Variants in FSIP1 observed in about 807,000 individuals in gnomAD.
The protein encoded by FSIP1 is fibrous sheath interacting protein 1.
FSIP1 carries 65 observed loss-of-function variants against 60.9 expected under a neutral mutation model. The ratio of observed to expected loss-of-function variants is 1.07; its 90% CI spans 0.87 to 1.31. The LOEUF (loss-of-function observed/expected upper bound fraction) is 1.31. FSIP1 is among the 40% of genes most tolerant of loss of function. The pLI is 0.00. For synonymous variants in FSIP1, 209 were observed against 221.2 expected, an observed-to-expected ratio of 0.94 and a Z score of 0.49; for missense variants, 675 against 665.5, an observed-to-expected ratio of 1.01 and a Z score of -0.16.
At chr15:39,672,931 TA>T (rs111954955) in intron 10 of FSIP1, among the ~76,000 whole-genome samples, 7,395 of 152,262 alleles carry the variant, frequency 0.049, 608 homozygotes, top group African/African-American at 0.17. Flanking sequence ...CTATGTGGCC[TA>T]AAAAACCAGA....
chr15:39,723,545 T>TC (rs1896068961), intron 9 of FSIP1, among the ~76,000 whole-genome samples: 1 of 152,184 alleles, frequency 6.6e-6, no homozygotes, highest in African/African-American at 2.4e-5. Context: ...GAGACTTTTT[T>TC]ATTCCAAAGT....
At chr15:39,732,168 C>T (rs1421778601) in intron 8 of FSIP1, among the ~76,000 whole-genome samples, 1 of 152,204 alleles carries the variant, frequency 6.6e-6, no homozygotes, top group Admixed American at 6.5e-5. Flanking sequence ...GAATCTAATG[C>T]TGCAGCTAAT....
chr15:39,617,592 G>A, intron 11 of FSIP1, 143 bp downstream of exon 11: 1 of 663,342 alleles, frequency 1.5e-6, no homozygotes, highest in Non-Finnish European at 2.6e-6. Context: ...TGGGAAATAG[G>A]TTTTATGTTT....
rs118150001 is a variant in FSIP1 at position 39,761,393 on chromosome 15, A to T, written c.559+2428T>A. Among the ~76,000 whole-genome samples, 192 of 152,360 alleles carry T rather than the reference A, an allele frequency of 1.3e-3. 1 individual carries two copies. Among genetic ancestry groups the T allele is most frequent in the Middle Eastern group, 3.4e-3 (1 of 294 alleles). ...CACCATGGAGTACTTTTCAGTCTTT[A>T]AAAAGAAGGAAATTCTATCATTTGC... On this transcript the variant is annotated intron_variant, in intron 5 of 11. Transcript: ENST00000350221.
At chr15:39,711,967 G>A (rs975164014) in intron 10 of FSIP1, among the ~76,000 whole-genome samples, 13 of 151,910 alleles carry the variant, frequency 8.6e-5, no homozygotes, top group African/African-American at 7.3e-5. Context: ...GATTACAGGC[G>A]TGAGCCACCG....
intron 11 of FSIP1, among the ~76,000 whole-genome samples, chr15:39,605,386 T>A (rs184503077): frequency 6.6e-6 from 1 of 152,336 alleles, no homozygotes; most frequent in East Asian, 1.9e-4. Flanking sequence ...TTAGGAATAA[T>A]GCTCTGCAGT....
chr15:39,723,459 G>A (rs1896065816), intron 9 of FSIP1, among the ~76,000 whole-genome samples: 1 of 152,208 alleles, frequency 6.6e-6, no homozygotes, highest in Non-Finnish European at 1.5e-5. Context: ...TGGATCTCCT[G>A]ACCTTGTGAT....
intron 10 of FSIP1, among the ~76,000 whole-genome samples, chr15:39,652,380 C>T (rs1892906051): frequency 6.6e-6 from 1 of 152,140 alleles, no homozygotes; most frequent in Non-Finnish European, 1.5e-5. Flanking sequence ...TAAACATTTG[C>T]TACATTCAGA....
At chr15:39,779,776 G>A (rs1395364597) in intron 1 of FSIP1, among the ~76,000 whole-genome samples, 1 of 152,166 alleles carries the variant, frequency 6.6e-6, no homozygotes, top group East Asian at 1.9e-4. Flanking sequence ...AGGCTTCTGA[G>A]AAATGCAATC....
In FSIP1 at chr15:39,627,615, T is replaced by C. The variant is rs183180184; in HGVS notation, c.1189-9370A>G. Among the ~76,000 whole-genome samples, 4 of 151,764 alleles carry C rather than the reference T, an allele frequency of 2.6e-5. No individual in the cohort carries two copies. The East Asian group carries it at 7.7e-4, about 29-fold the overall frequency. On this transcript the variant is annotated intron_variant, in intron 10 of 11. Coordinates refer to ENST00000350221, the MANE Select transcript of FSIP1 (RefSeq NM_152597.5). ...GTCACCCACATGGTATCTCTCTGCA[T>C]ATGTCCCACAAGTCACCCACATGGC...
intron 10 of FSIP1, among the ~76,000 whole-genome samples, chr15:39,712,711 A>ACCACT (rs1895572098): frequency 6.6e-6 from 1 of 152,236 alleles, no homozygotes. Flanking sequence ...TGGGAAAATC[A>ACCACT]TAGTATGACA....
At chr15:39,742,919 G>A (rs1435284744) in intron 5 of FSIP1, among the ~76,000 whole-genome samples, 2 of 152,112 alleles carry the variant, frequency 1.3e-5, no homozygotes, top group African/African-American at 4.8e-5. Context: ...TGGGGAGAGA[G>A]GGGTAAACTA....
chr15:39,755,934 A>G (rs2140682223), intron 5 of FSIP1, among the ~76,000 whole-genome samples: 1 of 152,264 alleles, frequency 6.6e-6, no homozygotes, highest in South Asian at 2.1e-4. Flanking sequence ...AATGATAGAA[A>G]CTAAGGGAAA....
chr15:39,739,634 A>G (rs377061239), intron 7 of FSIP1, 31 bp downstream of exon 7: 3 of 1,573,600 alleles, frequency 1.9e-6, no homozygotes, highest in South Asian at 2.4e-5. Flanking sequence ...TTTAGCCCCA[A>G]ATTCTGGCTT....
intron 5 of FSIP1, among the ~76,000 whole-genome samples, chr15:39,757,875 A>T (rs1897350407): frequency 6.6e-6 from 1 of 152,136 alleles, no homozygotes; most frequent in South Asian, 2.1e-4. Context: ...TTTTCCTTTT[A>T]CGTTGACCCT....
intron 6 of FSIP1, among the ~76,000 whole-genome samples, 181 bp downstream of exon 6, chr15:39,741,624 T>C (rs560547470): frequency 6.6e-6 from 1 of 152,374 alleles, no homozygotes. Context: ...CAAAGTAGAA[T>C]GGTATAACAA....
At chr15:39,672,369 C>G (rs960540981) in intron 10 of FSIP1, among the ~76,000 whole-genome samples, 1 of 152,202 alleles carries the variant, frequency 6.6e-6, no homozygotes. Context: ...CATCTGTCAG[C>G]TATGCTTAGA....
chr15:39,707,336 C>T (rs1350429832), intron 10 of FSIP1, among the ~76,000 whole-genome samples: 1 of 152,118 alleles, frequency 6.6e-6, no homozygotes, highest in Non-Finnish European at 1.5e-5. Flanking sequence ...TCCTACCCTT[C>T]TTCAATCCCC....
chr15:39,687,042 T>C (rs1207187951), intron 10 of FSIP1, among the ~76,000 whole-genome samples: 1 of 151,916 alleles, frequency 6.6e-6, no homozygotes, highest in Non-Finnish European at 1.5e-5. Flanking sequence ...TTCTCTCCAA[T>C]CTGTGTCCTT....
Sources: gnomAD v4.1 joint callset for allele counts (sites outside exome capture counted in the v4.1 genomes callset) on GRCh38, gnomAD v4.1.1 for gene constraint, MANE v1.5 for transcripts, NCBI Gene and HGNC (gene_info 2026-07-23, HGNC 2026-07-21) for gene names.